DDX10: variants seen among roughly 807,000 people sequenced by gnomAD.
DDX10 encodes probable ATP-dependent RNA helicase DDX10.
DDX10 carries 74 observed loss-of-function variants against 104.3 expected under a neutral mutation model. That is an observed-to-expected ratio of 0.71 (90% confidence interval 0.59 to 0.86). The LOEUF (loss-of-function observed/expected upper bound fraction) is 0.86. DDX10 is among the 40% of genes least tolerant of loss of function. The pLI, the probability that DDX10 is intolerant of heterozygous loss-of-function variation, is 0.00. For synonymous variants in DDX10, 351 were observed against 353.4 expected (o/e 0.99, Z 0.08); for missense variants, 952 against 1,040.0 (o/e 0.92, Z 1.16).
In DDX10 at chr11:108,691,902, C is replaced by T. The variant is rs771431694; in HGVS notation, c.1002C>T (p.Cys334=). 98 of 1,613,912 alleles carry T rather than the reference C, an allele frequency of 6.1e-5. No individual in the cohort carries two copies. Among genetic ancestry groups the T allele is most frequent in the Non-Finnish European group, 7.9e-5 (93 of 1,179,926 alleles). The change falls in exon 8 of 18, where the codon TGC becomes TGT. Residue 334 remains cysteine (C), a synonymous_variant. Transcript: ENST00000322536. The part of the protein sequence containing the change: ...KEVQYLYRVF[C]RLRPGVSILA... ...TCCAGTATCTGTACCGAGTGTTTTGCCGGCTACGTCCTGGTGTTTCTATCC... is the reference window on the plus strand; with the variant it reads ...TCCAGTATCTGTACCGAGTGTTTTGTCGGCTACGTCCTGGTGTTTCTATCC...
At chr11:108,883,908 A>G (rs1412141631) in intron 16 of DDX10, among the ~76,000 whole-genome samples, 2 of 152,138 alleles carry the variant, frequency 1.3e-5, no homozygotes, top group African/African-American at 4.8e-5. Context: ...CTCTTTTTCC[A>G]TCTTCTTTCC....
intron 13 of DDX10, among the ~76,000 whole-genome samples, chr11:108,768,447 A>G (rs1224167984): frequency 1.3e-5 from 2 of 152,338 alleles, no homozygotes; most frequent in South Asian, 2.1e-4. Context: ...GTTTGTTATT[A>G]TATACAATAT....
intron 16 of DDX10, among the ~76,000 whole-genome samples, chr11:108,857,371 T>A (rs1279554125): frequency 6.6e-6 from 1 of 152,226 alleles, no homozygotes; most frequent in Non-Finnish European, 1.5e-5. Flanking sequence ...CTGGGCCTGT[T>A]CTCAGCATGT....
chr11:108,784,475 C>T (rs1861759981), intron 13 of DDX10, among the ~76,000 whole-genome samples: 1 of 152,122 alleles, frequency 6.6e-6, no homozygotes, highest in Admixed American at 6.6e-5. Context: ...CCTTGATGTC[C>T]TGGGCTTAAG....
chr11:108,681,736 G>A (rs957859699), intron 6 of DDX10, among the ~76,000 whole-genome samples: 3 of 152,176 alleles, frequency 2.0e-5, no homozygotes, highest in Non-Finnish European at 2.9e-5. Context: ...GAGAGAATAT[G>A]CCTTTGGGCC....
chr11:108,699,497 T>G (rs977690041), intron 9 of DDX10, among the ~76,000 whole-genome samples: 1 of 152,220 alleles, frequency 6.6e-6, no homozygotes. Flanking sequence ...CAGAGGCATC[T>G]CTCAGTTCCT....
At chr11:108,871,149 A>AT (rs923587675) in intron 16 of DDX10, among the ~76,000 whole-genome samples, 46 of 149,808 alleles carry the variant, frequency 3.1e-4, no homozygotes, top group Non-Finnish European at 4.9e-4. Flanking sequence ...AAACTGGAGC[A>AT]TTTTTTTTTT....
chr11:108,791,460 G>A (rs1565279540), intron 13 of DDX10, among the ~76,000 whole-genome samples: 1 of 152,152 alleles, frequency 6.6e-6, no homozygotes. Context: ...ATCAGTTTTA[G>A]TGAGCTATAA....
At chr11:108,707,046 C>A (rs2094277133) in intron 10 of DDX10, among the ~76,000 whole-genome samples, 2 of 152,158 alleles carry the variant, frequency 1.3e-5, no homozygotes, top group Admixed American at 6.5e-5. Flanking sequence ...CCCAAACATG[C>A]ACAGCCTCTG....
intron 16 of DDX10, among the ~76,000 whole-genome samples, chr11:108,862,834 TGAATTGGCATTTATTTAGAATAAAG>T (rs1338623538): frequency 6.6e-6 from 1 of 152,180 alleles, no homozygotes; most frequent in Non-Finnish European, 1.5e-5. Context: ...TAAGAGCTAT[TGAATTGGCATTTATTTAGAATAAAG>T]GAACACAAGG....
At chr11:108,698,174 C>G (rs1433043716) in intron 9 of DDX10, among the ~76,000 whole-genome samples, 5 of 152,108 alleles carry the variant, frequency 3.3e-5, no homozygotes, top group African/African-American at 1.2e-4. Context: ...GAGTTCATGG[C>G]TGGTTGTGGG....
intron 13 of DDX10, among the ~76,000 whole-genome samples, chr11:108,806,248 C>G (rs1862098923): frequency 6.6e-6 from 1 of 152,210 alleles, no homozygotes; most frequent in Non-Finnish European, 1.5e-5. Flanking sequence ...TAGGCGTGAG[C>G]CACCGTGCCT....
chr11:108,871,455 C>A (rs536533862), intron 16 of DDX10, among the ~76,000 whole-genome samples: 1 of 152,306 alleles, frequency 6.6e-6, no homozygotes, highest in African/African-American at 2.4e-5. Flanking sequence ...GCATTTGATT[C>A]ATCCCCTTTT....
chr11:108,833,047 G>A (rs1862493271), intron 13 of DDX10, among the ~76,000 whole-genome samples: 1 of 152,176 alleles, frequency 6.6e-6, no homozygotes, highest in Admixed American at 6.5e-5. Flanking sequence ...TGTATTACCT[G>A]CTAAAGTTAA....
At chr11:108,881,523 CT>C (rs1408327620) in intron 16 of DDX10, among the ~76,000 whole-genome samples, 6 of 152,110 alleles carry the variant, frequency 3.9e-5, no homozygotes, top group Admixed American at 3.9e-4. Context: ...AATTTTCTGA[CT>C]TTATGATGGT....
At chr11:108,888,752 G>A (rs987024223) in intron 16 of DDX10, among the ~76,000 whole-genome samples, 2 of 151,576 alleles carry the variant, frequency 1.3e-5, no homozygotes, top group African/African-American at 4.9e-5. Context: ...ACATATTGAT[G>A]TGTCTGACAA....
chr11:108,665,811 A>G (rs906807018), intron 1 of DDX10, among the ~76,000 whole-genome samples: 2 of 152,184 alleles, frequency 1.3e-5, no homozygotes, highest in Admixed American at 6.5e-5. Flanking sequence ...AGCTAGATCC[A>G]TGTCTTTCTA....
intron 13 of DDX10, among the ~76,000 whole-genome samples, chr11:108,734,031 C>T (rs2094315457): frequency 6.6e-6 from 1 of 152,166 alleles, no homozygotes; most frequent in Non-Finnish European, 1.5e-5. Flanking sequence ...TATCTTGTCT[C>T]TTCTTTGAAG....
rs960555080 is a variant in DDX10, at chr11:108,674,090, G to A, written c.247+563G>A. 3.3e-5 allele frequency among the ~76,000 whole-genome samples: 5 copies of A among 152,086 alleles called. No individual in the cohort carries two copies. In the East Asian group the frequency reaches 7.7e-4, roughly 23 times the overall value. On this transcript the variant is annotated intron_variant, in intron 2 of 17. Coordinates refer to ENST00000322536, the MANE Select transcript of DDX10 (RefSeq NM_004398.4). ...TGTAATCCCAGTACTTTGGGAGGCC[G>A]AGGTGGGTGGATCACAGGGTCAGGA...
Sources: allele counts gnomAD v4.1 joint callset (sites outside exome capture counted in the v4.1 genomes callset), GRCh38; gene constraint gnomAD v4.1.1; transcripts MANE v1.5; gene names NCBI Gene and HGNC (gene_info 2026-07-23, HGNC 2026-07-21).